The following CNTNAP2 variants were observed in gnomAD, a reference collection of about 807,000 sequenced individuals.
The protein encoded by CNTNAP2 is contactin associated protein 2, also known as contactin-associated protein-like 2.
A neutral mutation model predicts 155.2 loss-of-function variants in CNTNAP2; 98 were observed. The ratio of observed to expected loss-of-function variants is 0.63; its 90% CI spans 0.54 to 0.75. The LOEUF is 0.75. Among genes scored for constraint, CNTNAP2 ranks in the 30% least tolerant of loss-of-function variants. CNTNAP2 has a pLI of 0.00. For missense variants in CNTNAP2, 1,727 were observed against 1,688.1 expected, an observed-to-expected ratio of 1.02 and a Z score of -0.40; for synonymous variants, 651 against 631.2, an observed-to-expected ratio of 1.03 and a Z score of -0.47.
chr7:146,849,582 A>C (rs1031799630), intron 3 of CNTNAP2, among the ~76,000 whole-genome samples: 17 of 152,220 alleles, frequency 1.1e-4, no homozygotes, highest in African/African-American at 4.1e-4. Context: ...AACTATGTTA[A>C]TCAACCTACT....
intron 3 of CNTNAP2, among the ~76,000 whole-genome samples, chr7:147,005,229 T>A (rs1798504165): frequency 6.6e-6 from 1 of 152,104 alleles, no homozygotes; most frequent in Non-Finnish European, 1.5e-5. Flanking sequence ...GGAATAGGAA[T>A]ATTTCATAAC....
intron 1 of CNTNAP2, among the ~76,000 whole-genome samples, chr7:146,696,541 T>A (rs565155751): frequency 7.9e-5 from 12 of 152,118 alleles, no homozygotes; most frequent in Non-Finnish European, 1.8e-4. Flanking sequence ...TGCCCTAATT[T>A]GTATTATAGA....
chr7:146,339,166 A>T (rs1252778981), intron 1 of CNTNAP2, among the ~76,000 whole-genome samples: 2 of 152,178 alleles, frequency 1.3e-5, no homozygotes, highest in South Asian at 2.1e-4. Flanking sequence ...ACCTGTAACA[A>T]AACTCCATAA....
intron 2 of CNTNAP2, among the ~76,000 whole-genome samples, chr7:146,785,524 T>C (rs750831565): frequency 1.3e-5 from 2 of 152,238 alleles, no homozygotes; most frequent in African/African-American, 2.4e-5. Context: ...AAATTTCAAA[T>C]ACTCATTGCT....
intron 3 of CNTNAP2, among the ~76,000 whole-genome samples, chr7:146,840,926 T>C (rs112059810): frequency 0.014 from 2,094 of 152,316 alleles, 40 homozygotes; most frequent in African/African-American, 0.044. Flanking sequence ...GTCATAATTA[T>C]ATGGAAAGAA....
At chr7:148,312,948 G>GA (rs1241432183) in intron 21 of CNTNAP2, among the ~76,000 whole-genome samples, 1 of 151,394 alleles carries the variant, frequency 6.6e-6, no homozygotes, top group African/African-American at 2.4e-5. Flanking sequence ...TGAACTGGGG[G>GA]AAAAGGTGGC....
At chr7:146,305,586 G>A (rs1159126845) in intron 1 of CNTNAP2, among the ~76,000 whole-genome samples, 1 of 152,068 alleles carries the variant, frequency 6.6e-6, no homozygotes, top group Non-Finnish European at 1.5e-5. Flanking sequence ...GGAGTCTGCA[G>A]AACGGCAAAT....
At chr7:147,937,024 G>A (rs1313033107) in intron 14 of CNTNAP2, among the ~76,000 whole-genome samples, 1 of 151,060 alleles carries the variant, frequency 6.6e-6, no homozygotes, top group Non-Finnish European at 1.5e-5. Flanking sequence ...TTCTCTGGTG[G>A]TCAAGAGACC....
At chr7:146,721,422 CATTCTATATAT>C (rs1440714777) in intron 1 of CNTNAP2, among the ~76,000 whole-genome samples, 113 of 122,012 alleles carry the variant, frequency 9.3e-4, no homozygotes, top group Admixed American at 3.8e-3. Context: ...TCTATATATA[CATTCTATATAT>C]ATTCTATATA....
intron 1 of CNTNAP2, among the ~76,000 whole-genome samples, chr7:146,157,596 A>G (rs76323650): frequency 3.3e-5 from 5 of 152,254 alleles, no homozygotes; most frequent in Admixed American, 6.5e-5. Context: ...TATCCCGTGC[A>G]TGGCTTGGAG....
chr7:146,912,075 A>G (rs915258996), intron 3 of CNTNAP2, among the ~76,000 whole-genome samples: 2 of 151,474 alleles, frequency 1.3e-5, no homozygotes, highest in Admixed American at 1.3e-4. Context: ...AAAAGTATGT[A>G]TTGGGTCCTG....
intron 1 of CNTNAP2, among the ~76,000 whole-genome samples, chr7:146,277,758 A>C (rs1392540348): frequency 6.6e-6 from 1 of 152,210 alleles, no homozygotes; most frequent in Non-Finnish European, 1.5e-5. Flanking sequence ...CAAGTCCAGC[A>C]TGCCAATGAA....
intron 1 of CNTNAP2, among the ~76,000 whole-genome samples, chr7:146,133,167 T>A (rs1360280465): frequency 3.3e-5 from 5 of 152,110 alleles, no homozygotes; most frequent in Non-Finnish European, 5.9e-5. Flanking sequence ...TGGCCAGTGA[T>A]GATGAGCATT....
intron 13 of CNTNAP2, among the ~76,000 whole-genome samples, chr7:147,716,797 G>A (rs952698009): frequency 6.6e-6 from 1 of 152,138 alleles, no homozygotes; most frequent in African/African-American, 2.4e-5. Context: ...ACTATCTGCC[G>A]AAATAATTTC....
At position 147,615,533 on chromosome 7, in the gene CNTNAP2, A is replaced by G. The variant is rs146408178; in HGVS notation, c.1898-23573A>G. 3.7e-3 allele frequency among the ~76,000 whole-genome samples: 564 copies of G among 152,238 alleles called. 4 individuals are homozygous for G. The highest frequency in any genetic ancestry group is 0.013 in the African/African-American group (524 of 41,556). On this transcript the variant is annotated intron_variant, in intron 12 of 23. Transcript: ENST00000361727. ...ACTGAGGCAGTACAATGTAAATTCA[A>G]CAAACCATAGGCACAGTTCTCTTGT...
chr7:146,210,064 G>C (rs1275672345), intron 1 of CNTNAP2, among the ~76,000 whole-genome samples: 1 of 152,024 alleles, frequency 6.6e-6, no homozygotes, highest in Non-Finnish European at 1.5e-5. Context: ...ATCTGTTAGT[G>C]TTTTGAAATA....
At chr7:148,046,462 A>G (rs996155913) in intron 15 of CNTNAP2, among the ~76,000 whole-genome samples, 3 of 152,116 alleles carry the variant, frequency 2.0e-5, no homozygotes, top group Non-Finnish European at 2.9e-5. Flanking sequence ...GTAATTTTTT[A>G]TACTATTCTA....
At chr7:147,916,354 G>C (rs1288549669) in intron 14 of CNTNAP2, among the ~76,000 whole-genome samples, 2 of 152,052 alleles carry the variant, frequency 1.3e-5, no homozygotes, top group African/African-American at 4.8e-5. Flanking sequence ...AGGGTAATTG[G>C]GCACCGGAGA....
At chr7:148,365,674 T>G (rs1017884913) in intron 21 of CNTNAP2, among the ~76,000 whole-genome samples, 1 of 128,252 alleles carries the variant, frequency 7.8e-6, no homozygotes, top group East Asian at 2.2e-4. Flanking sequence ...CATATATACT[T>G]GAGATGTATA....
Sources: gnomAD v4.1 joint callset for allele counts (sites outside exome capture counted in the v4.1 genomes callset) on GRCh38, gnomAD v4.1.1 for gene constraint, MANE v1.5 for transcripts, NCBI Gene and HGNC (gene_info 2026-07-23, HGNC 2026-07-21) for gene names.